Variants in TBC1D16 observed in about 807,000 individuals in gnomAD.
The protein encoded by TBC1D16 is TBC1 domain family member 16, also known as CTD-2529O21.1.
In TBC1D16, 58 loss-of-function variants were observed where a neutral mutation model predicts 74.7. The ratio of observed to expected loss-of-function variants is 0.78; its 90% CI spans 0.63 to 0.97. The LOEUF (loss-of-function observed/expected upper bound fraction) is 0.97. TBC1D16 is among the 50% of genes least tolerant of loss of function. TBC1D16 has a pLI of 0.00. For synonymous variants in TBC1D16, 493 were observed against 474.7 expected, an observed-to-expected ratio of 1.04 and a Z score of -0.50; for missense variants, 1,014 against 1,079.5, an observed-to-expected ratio of 0.94 and a Z score of 0.85.
chr17:80,007,145 G>A lies in TBC1D16; in HGVS notation c.779+3015C>T, dbSNP rs145961846. On this transcript the variant is annotated intron_variant, in intron 3 of 11. Transcript: ENST00000310924. The surrounding 1 kb of genome is among the most constrained non-coding windows in gnomAD (Gnocchi z 4.5). Reference sequence around the variant, plus strand: ...ACGTTCAGCGAGCCTCCCCTGGACCGGGCTGACACAGGCCTGAGGTGCGAG... The same window carrying A: ...ACGTTCAGCGAGCCTCCCCTGGACCAGGCTGACACAGGCCTGAGGTGCGAG... 0.015 allele frequency among the ~76,000 whole-genome samples: 2,261 copies of A among 152,300 alleles called. 27 individuals carry two copies. Among genetic ancestry groups the A allele is most frequent in the Non-Finnish European group, 0.021 (1,428 of 68,036 alleles).
chr17:80,025,608 A>G (rs185924659), intron 1 of TBC1D16, among the ~76,000 whole-genome samples: 12,221 of 132,950 alleles, frequency 0.092, 792 homozygotes, highest in Non-Finnish European at 0.12. Context: ...TCCTTGCTGG[A>G]AGCACCCCCC....
chr17:80,017,345 G>A (rs140086888), intron 1 of TBC1D16, among the ~76,000 whole-genome samples: 22 of 152,066 alleles, frequency 1.4e-4, no homozygotes, highest in Non-Finnish European at 2.6e-4. Context: ...CATTTTTCAC[G>A]TGTCTCAAAA....
chr17:79,945,079 C>A lies in TBC1D16; in HGVS notation c.1737G>T (p.Leu579=). 7 of 1,581,680 alleles carry A rather than the reference C, an allele frequency of 4.4e-6. No homozygotes were observed. Among genetic ancestry groups the A allele is most frequent in the Non-Finnish European group, 6.0e-6 (7 of 1,165,306 alleles). ...CGTGCGTCAGCCGCAGCAGCTCGCG[C>A]AGGTACAGCTGGGGGTGAGGCCGTC... ...DEDMEKQLLY[L]RELLRLTHVR... The change falls in exon 10 of 12, where the codon CTG becomes CTT. Residue 579 remains leucine (L), a synonymous_variant. Coordinates refer to ENST00000310924, the MANE Select transcript of TBC1D16 (RefSeq NM_019020.4).
At position 79,981,886 on chromosome 17, in the gene TBC1D16, G is replaced by A. The variant is rs1387117834; in HGVS notation, c.779+28274C>T. On this transcript the variant is annotated intron_variant, in intron 3 of 11. Transcript: ENST00000310924. This position sits in a 1 kb window ranked among gnomAD's most constrained non-coding sequence, Gnocchi z 6.9. ...GGCGCGCCAGGGAACAGCAGGACGC[G>A]GCCCTCCGGGGCTTCCCTGTGCGCA... Among the ~76,000 whole-genome samples the A allele has an allele frequency of 2.0e-5, 3 of 152,202 alleles. No homozygotes were observed. The highest frequency in any genetic ancestry group is 4.8e-5 in the African/African-American group (2 of 41,466).
intron 2 of TBC1D16, among the ~76,000 whole-genome samples, chr17:80,011,271 G>T (rs4132551): frequency 0.79 from 117,654 of 149,354 alleles, 46,365 homozygotes; most frequent in Middle Eastern, 0.84. Context: ...AGTCTCAAAC[G>T]CCTGAGCTCA....
chr17:79,987,214 G>A lies in TBC1D16; in HGVS notation c.779+22946C>T, dbSNP rs867905378. On this transcript the variant is annotated intron_variant, in intron 3 of 11. Coordinates refer to ENST00000310924, the MANE Select transcript of TBC1D16 (RefSeq NM_019020.4). This position sits in a 1 kb window ranked among gnomAD's most constrained non-coding sequence, Gnocchi z 5.2. ...AGAGCGTCTCGGTCTGGGTGGGAGC[G>A]GGGAATAAGCATTTCTTTAAGGAAT... Among the ~76,000 whole-genome samples, 6 of 151,956 alleles carry A rather than the reference G, an allele frequency of 3.9e-5. No homozygotes were observed. The highest frequency in any genetic ancestry group is 1.9e-4 in the East Asian group (1 of 5,194).
rs2031936823 is a variant in TBC1D16, at chr17:79,941,104, T to C, written c.2059A>G (p.Arg687Gly). 3 of 1,571,832 alleles carry C rather than the reference T, an allele frequency of 1.9e-6. No individual in the cohort carries two copies. The highest frequency in any genetic ancestry group is 2.6e-6 in the Non-Finnish European group (3 of 1,155,550). Residue 687 changes from arginine (R) to glycine (G), a missense_variant, in exon 12 of 12, where the codon AGG becomes GGG. Physicochemically the swap from Arg to Gly is moderately radical, Grantham distance 125. Coordinates refer to ENST00000310924, the MANE Select transcript of TBC1D16 (RefSeq NM_019020.4). This position sits in a 1 kb window ranked among gnomAD's most constrained non-coding sequence, Gnocchi z 4.3. ...MNGELVLRKA[R>G]SLLYQFRLLP... ...AGGCGGAACTGGTACAGCAAACTCC[T>C]CGCCTGCAGACAGAGGACGGGGGGT...
In TBC1D16 at chr17:80,006,553, T is replaced by C. The variant is rs538654602; in HGVS notation, c.779+3607A>G. On this transcript the variant is annotated intron_variant, in intron 3 of 11. Coordinates refer to ENST00000310924, the MANE Select transcript of TBC1D16 (RefSeq NM_019020.4). ...CCACCTCTGCTTCCTGGGTCTACCA[T>C]GTGGTGGGGGCCAGAAGCGCACAGG... Among the ~76,000 whole-genome samples the C allele has an allele frequency of 3.3e-4, 50 of 152,234 alleles. No individual in the cohort carries two copies. In the South Asian group the frequency reaches 9.1e-3, roughly 28 times the overall value.
rs900842688 is a variant in TBC1D16, at chr17:80,021,265, A to C, written c.-62-7656T>G. 2.0e-5 allele frequency among the ~76,000 whole-genome samples: 3 copies of C among 148,304 alleles called. 1 individual carries two copies. Among genetic ancestry groups the C allele is most frequent in the Admixed American group, 6.6e-5 (1 of 15,126 alleles). On this transcript the variant is annotated intron_variant, in intron 1 of 11. Transcript: ENST00000310924. Reference sequence around the variant, plus strand: ...AAACTCCATCTCAAAAAACAAAAACAAACAAACAAACCAGCCTGGGCAACA... The same window carrying C: ...AAACTCCATCTCAAAAAACAAAAACCAACAAACAAACCAGCCTGGGCAACA...
intron 3 of TBC1D16, among the ~76,000 whole-genome samples, chr17:79,982,141 G>GT (rs1223456647): frequency 2.5e-4 from 37 of 148,544 alleles, no homozygotes; most frequent in East Asian, 7.9e-4. Flanking sequence ...TCTTTGTGTG[G>GT]TTTTTTTTTC....
intron 3 of TBC1D16, among the ~76,000 whole-genome samples, chr17:79,966,683 C>T (rs2033857989): frequency 1.3e-5 from 2 of 152,064 alleles, no homozygotes; most frequent in Non-Finnish European, 2.9e-5. Context: ...ACTTATCAGT[C>T]TTTTTTTTCA....
In TBC1D16 at chr17:80,000,817, G is replaced by A. The variant is rs563090390; in HGVS notation, c.779+9343C>T. Among the ~76,000 whole-genome samples, 33 of 152,334 alleles carry A rather than the reference G, an allele frequency of 2.2e-4. No individual in the cohort carries two copies. The highest frequency in any genetic ancestry group is 1.7e-3 in the South Asian group (8 of 4,834). On this transcript the variant is annotated intron_variant, in intron 3 of 11. Transcript: ENST00000310924. The surrounding 1 kb of genome is among the most constrained non-coding windows in gnomAD (Gnocchi z 4.1). ...AACACCGTCCAAGGCCACCCCCTGC[G>A]GGTCTTGAGTGGAGCTTGGATTCAC... is the stretch of plus-strand genomic sequence containing the variant.
chr17:79,979,705 C>G lies in TBC1D16; in HGVS notation c.780-26887G>C, dbSNP rs1481645630. On this transcript the variant is annotated intron_variant, in intron 3 of 11. Transcript: ENST00000310924. The surrounding 1 kb of genome is among the most constrained non-coding windows in gnomAD (Gnocchi z 4.8). ...CGGAAAGGAATGTAACCTGTCAGGC[C>G]GCAAATCCCACGGTTCTCACTAGGA... Among the ~76,000 whole-genome samples, 1 of 151,924 alleles carries G rather than the reference C, an allele frequency of 6.6e-6. No individual in the cohort carries two copies. Among genetic ancestry groups the G allele is most frequent in the Non-Finnish European group, 1.5e-5 (1 of 67,992 alleles).
At chr17:79,953,947 T>C (rs942076701) in intron 3 of TBC1D16, among the ~76,000 whole-genome samples, 2 of 152,070 alleles carry the variant, frequency 1.3e-5, no homozygotes, top group Non-Finnish European at 2.9e-5. Flanking sequence ...ATTCTATATA[T>C]TTAGTAGAGA....
intron 3 of TBC1D16, among the ~76,000 whole-genome samples, chr17:79,977,844 G>C (rs2034396207): frequency 6.6e-6 from 1 of 152,240 alleles, no homozygotes; most frequent in Non-Finnish European, 1.5e-5. Flanking sequence ...AGCCCAGCCG[G>C]CTGTGCACGG....
intron 9 of TBC1D16, among the ~76,000 whole-genome samples, chr17:79,946,288 C>T (rs998934069): frequency 1.3e-5 from 2 of 152,252 alleles, no homozygotes; most frequent in Non-Finnish European, 2.9e-5. Flanking sequence ...AAGCAGTACA[C>T]AACCTAGACC....
chr17:80,001,319 G>A lies in TBC1D16; in HGVS notation c.779+8841C>T, dbSNP rs1470806570. 2.0e-5 allele frequency among the ~76,000 whole-genome samples: 3 copies of A among 152,246 alleles called. No homozygotes were observed. The South Asian group carries it at 6.2e-4, about 32-fold the overall frequency. On this transcript the variant is annotated intron_variant, in intron 3 of 11. Coordinates refer to ENST00000310924, the MANE Select transcript of TBC1D16 (RefSeq NM_019020.4). This position sits in a 1 kb window ranked among gnomAD's most constrained non-coding sequence, Gnocchi z 5.8. Reference sequence around the variant, plus strand: ...CACACAGAGCCTGCCAAGTGCTACAGAAACAAGACGAGATTAGTCTGAACG... The same window carrying A: ...CACACAGAGCCTGCCAAGTGCTACAAAAACAAGACGAGATTAGTCTGAACG...
chr17:79,935,813 T>C lies in TBC1D16; in HGVS notation c.*5046A>G, dbSNP rs2031549664. The C allele has an allele frequency of 6.6e-6, 1 of 152,198 alleles. No individual in the cohort carries two copies. Among genetic ancestry groups the C allele is most frequent in the African/African-American group, 2.4e-5 (1 of 41,444 alleles). 9.4% of individuals were successfully genotyped at this position (152,198 alleles called of 1,614,324 possible). On this transcript the variant is annotated 3_prime_UTR_variant, in exon 12 of 12. Coordinates refer to ENST00000310924, the MANE Select transcript of TBC1D16 (RefSeq NM_019020.4). The stretch of plus-strand genomic sequence containing the variant: ...TCACTTGCCATGGACATCAGTAATC[T>C]ATTGGTAATGGTGGAAATTTCATGA...
At chr17:79,953,184 G>A (rs1352744443) in intron 3 of TBC1D16, among the ~76,000 whole-genome samples, 1 of 152,136 alleles carries the variant, frequency 6.6e-6, no homozygotes, top group Non-Finnish European at 1.5e-5. Flanking sequence ...AAGAAGGCAG[G>A]AGAATAACAA....
Sources: allele counts gnomAD v4.1 joint callset (sites outside exome capture counted in the v4.1 genomes callset), GRCh38; gene constraint gnomAD v4.1.1; non-coding constraint Gnocchi (gnomAD v3.1); transcripts MANE v1.5; gene names NCBI Gene and HGNC (gene_info 2026-07-23, HGNC 2026-07-21).